PRPH2: variants seen among roughly 807,000 people sequenced by gnomAD.
The protein encoded by PRPH2 is peripherin 2.
In PRPH2, 17 loss-of-function variants were observed where a neutral mutation model predicts 31.3. The ratio of observed to expected loss-of-function variants is 0.54; its 90% CI spans 0.37 to 0.81. PRPH2 has a LOEUF of 0.81. PRPH2 is among the 40% of genes least tolerant of loss of function. PRPH2 has a pLI of 0.00. For missense variants in PRPH2, 430 were observed against 439.7 expected, an observed-to-expected ratio of 0.98 and a Z score of 0.20; for synonymous variants, 165 against 184.4, an observed-to-expected ratio of 0.89 and a Z score of 0.85.
At chr6:42,710,096 A>C (rs6931385) in intron 1 of PRPH2, among the ~76,000 whole-genome samples, 84,095 of 151,952 alleles carry the variant, frequency 0.55, 23,659 homozygotes, top group African/African-American at 0.67. Flanking sequence ...AGTCACCCTA[A>C]TGGTCTCCAC....
At chr6:42,701,615 C>T (rs761359637) in intron 2 of PRPH2, among the ~76,000 whole-genome samples, 4 of 150,610 alleles carry the variant, frequency 2.7e-5, no homozygotes, top group Non-Finnish European at 4.4e-5. Context: ...CTCATGAGAT[C>T]CTCCCATCTT....
intron 1 of PRPH2, among the ~76,000 whole-genome samples, chr6:42,721,169 A>T (rs896084124): frequency 1.4e-4 from 21 of 152,156 alleles, no homozygotes; most frequent in Middle Eastern, 3.2e-3. Context: ...GTGACTAGTG[A>T]CCTGCCCAAG....
chr6:42,719,100 A>G (rs1270503415), intron 1 of PRPH2, among the ~76,000 whole-genome samples: 2 of 152,132 alleles, frequency 1.3e-5, no homozygotes, highest in Non-Finnish European at 2.9e-5. Flanking sequence ...TTCCAGTGTT[A>G]CTTATAATAG....
chr6:42,712,467 T>C (rs1022568641), intron 1 of PRPH2, among the ~76,000 whole-genome samples: 1 of 152,196 alleles, frequency 6.6e-6, no homozygotes, highest in African/African-American at 2.4e-5. Context: ...TATTAAAGTA[T>C]TTACAGGTAA....
chr6:42,701,369 C>T (rs111998671), intron 2 of PRPH2, among the ~76,000 whole-genome samples: 40 of 152,146 alleles, frequency 2.6e-4, no homozygotes, highest in African/African-American at 9.4e-4. Context: ...GGTGATCCCC[C>T]GCCTCGGCCT....
At chr6:42,705,969 AAAAG>A in intron 1 of PRPH2, among the ~76,000 whole-genome samples, 1 of 150,950 alleles carries the variant, frequency 6.6e-6, no homozygotes, top group East Asian at 2.0e-4. Flanking sequence ...AAAAAAAAAA[AAAAG>A]AAAAAGTTGC....
chr6:42,704,749 C>T, intron 1 of PRPH2, 138 bp from the exon 2 acceptor site: 2 of 1,316,844 alleles, frequency 1.5e-6, no homozygotes, highest in Non-Finnish European at 1.1e-6. Flanking sequence ...GCGCCCGCTA[C>T]GTGCCAGTCA....
intron 1 of PRPH2, among the ~76,000 whole-genome samples, chr6:42,705,600 AT>A (rs1407710205): frequency 0.091 from 314 of 3,466 alleles, 2 homozygotes; most frequent in East Asian, 0.13. Flanking sequence ...AAAAAAAAAA[AT>A]ATATATATAT....
intron 1 of PRPH2, among the ~76,000 whole-genome samples, chr6:42,712,795 G>A (rs1189971038): frequency 6.6e-6 from 1 of 152,046 alleles, no homozygotes; most frequent in African/African-American, 2.4e-5. Context: ...GGAGTTACAG[G>A]TGTGTTGCCA....
At chr6:42,699,948 G>A (rs1800017552) in intron 2 of PRPH2, among the ~76,000 whole-genome samples, 1 of 143,280 alleles carries the variant, frequency 7.0e-6, no homozygotes, top group Non-Finnish European at 1.5e-5. Context: ...CTGATAATTA[G>A]CTTATTGTTT....
At chr6:42,720,044 G>A (rs188075280) in intron 1 of PRPH2, among the ~76,000 whole-genome samples, 244 of 152,200 alleles carry the variant, frequency 1.6e-3, no homozygotes, top group Admixed American at 6.9e-3. Context: ...TTTTTTGTGC[G>A]TGTAATAGAA....
intron 1 of PRPH2, among the ~76,000 whole-genome samples, chr6:42,713,919 CAAAAAAA>C (rs55805454): frequency 2.6e-5 from 1 of 38,094 alleles, no homozygotes; most frequent in African/African-American, 9.8e-5. Context: ...GACTCCATCT[CAAAAAAA>C]AAAAAAAAAA....
intron 1 of PRPH2, among the ~76,000 whole-genome samples, chr6:42,712,374 G>T (rs1201699704): frequency 1.3e-5 from 2 of 152,136 alleles, no homozygotes; most frequent in African/African-American, 4.8e-5. Flanking sequence ...TAAATCTGTT[G>T]ACTATGACTG....
rs1298060414 is a variant in PRPH2 at position 42,697,281 on chromosome 6, A to C, written c.*1014T>G. The stretch of plus-strand genomic sequence containing the variant: ...AAGCATTCCAGAAATAGTGTTTTTC[A>C]AGATGGGTATCTGGGGGGAAGAAAC... On this transcript the variant is annotated 3_prime_UTR_variant, in exon 3 of 3. Transcript: ENST00000230381. The C allele has an allele frequency of 6.6e-6, 1 of 152,232 alleles. No homozygotes were observed. Among genetic ancestry groups the C allele is most frequent in the African/African-American group, 2.4e-5 (1 of 41,454 alleles). 9.4% of individuals were successfully genotyped at this position (152,232 alleles called of 1,614,324 possible). A position where few individuals can be genotyped will look rare whatever the true frequency, so the allele number is the denominator to read the frequency against.
Position 42,705,201 on chromosome 6 carries a change from G to T in PRPH2, c.582-590C>A, listed in dbSNP as rs995220320. Among the ~76,000 whole-genome samples the T allele has an allele frequency of 2.6e-5, 4 of 152,194 alleles. No homozygotes were observed. In the East Asian group the frequency reaches 5.8e-4, roughly 22 times the overall value. On this transcript the variant is annotated intron_variant, in intron 1 of 2. Transcript: ENST00000230381. ...ACCTAAGGGACACAGCTGCAAGCAG[G>T]TTCTCCAGGCTGATGGGCGGGGCTC...
rs1424831291 is a variant in PRPH2, at chr6:42,722,331, C to T, written c.4G>A (p.Ala2Thr). M[A>T]LLKVKFDQKK... ...TGGTCAAACTTGACTTTCAGTAGCG[C>T]CATGCTTGCCAAGTGTAGTCCGGGT... The change falls in exon 1 of 3, where the codon GCG (alanine) becomes ACG (threonine). Residue 2 changes from alanine (A) to threonine (T), a missense_variant. Transcript: ENST00000230381. This position sits in a 1 kb window ranked among gnomAD's most constrained non-coding sequence, Gnocchi z 4.4. The T allele has an allele frequency of 8.1e-6, 13 of 1,613,614 alleles. No homozygotes were observed. Among genetic ancestry groups the T allele is most frequent in the Non-Finnish European group, 1.1e-5 (13 of 1,180,026 alleles).
intron 1 of PRPH2, among the ~76,000 whole-genome samples, chr6:42,718,128 G>A (rs1310514623): frequency 2.0e-5 from 3 of 152,044 alleles, no homozygotes; most frequent in Non-Finnish European, 2.9e-5. Flanking sequence ...AGGGCAACAT[G>A]GCGAAACCCT....
chr6:42,706,384 G>A (rs536115835), intron 1 of PRPH2, among the ~76,000 whole-genome samples: 4 of 150,336 alleles, frequency 2.7e-5, no homozygotes, highest in East Asian at 3.9e-4. Context: ...CAGCCTGGGC[G>A]ACACAGTGAG....
chr6:42,722,004 T>C lies in PRPH2; in HGVS notation c.331A>G (p.Ile111Val). 2 of 1,614,014 alleles carry C rather than the reference T, an allele frequency of 1.2e-6. No homozygotes were observed. Among genetic ancestry groups the C allele is most frequent in the Non-Finnish European group, 1.7e-6 (2 of 1,180,016 alleles). ...YLAICVLFNI[I>V]LFLVALCCFL... ...CAGCAGAGAGCCACAAGGAAGAGGA[T>C]GATGTTGAAGAGAACACAGATAGCC... Residue 111 changes from isoleucine to valine, a missense_variant, in exon 1 of 3, where the codon ATC (isoleucine) becomes GTC (valine). Transcript: ENST00000230381. The surrounding 1 kb of genome is among the most constrained non-coding windows in gnomAD (Gnocchi z 4.4).
Sources: allele counts gnomAD v4.1 joint callset (sites outside exome capture counted in the v4.1 genomes callset), GRCh38; gene constraint gnomAD v4.1.1; non-coding constraint Gnocchi (gnomAD v3.1); transcripts MANE v1.5; gene names NCBI Gene and HGNC (gene_info 2026-07-23, HGNC 2026-07-21).